MRPL39: variants seen among roughly 807,000 people sequenced by gnomAD.
The protein encoded by MRPL39 is large ribosomal subunit protein mL39.
Under a neutral mutation model 44.5 loss-of-function variants are expected in MRPL39, and 35 were observed. The ratio of observed to expected loss-of-function variants is 0.79; its 90% CI spans 0.60 to 1.04. The LOEUF is 1.04. Among genes scored for constraint, MRPL39 ranks in the 50% least tolerant of loss-of-function variants. The pLI, the probability that MRPL39 is intolerant of heterozygous loss-of-function variation, is 0.00. For synonymous variants in MRPL39, 139 were observed against 136.1 expected (o/e 1.02, Z -0.15); for missense variants, 433 against 413.5 (o/e 1.05, Z -0.41).
Position 25,606,576 on chromosome 21 carries a change from C to G in MRPL39, c.153G>C (p.Glu51Asp). 6.2e-7 allele frequency: 1 copy of G among 1,614,026 alleles called. No homozygotes were observed. Among genetic ancestry groups the G allele is most frequent in the South Asian group, 1.1e-5 (1 of 91,068 alleles). The change falls in exon 2 of 10, where the codon GAG (glutamate) becomes GAC (aspartate). Residue 51 changes from glutamate to aspartate, a missense_variant. Physicochemically the swap from Glu to Asp is conservative, Grantham distance 45. Transcript: ENST00000352957. The stretch of plus-strand genomic sequence containing the variant: ...GAGTTAATGATAACTGCCTGGCTTT[C>G]TCTTTATTAAAGAGATCATTCCGCA... ...TEMRNDLFNKEKARQLSLTPR... is the reference protein window; with the variant it reads ...TEMRNDLFNKDKARQLSLTPR...
intron 2 of MRPL39, 123 bp downstream of exon 2, chr21:25,606,326 G>A: frequency 1.2e-6 from 1 of 825,856 alleles, no homozygotes; most frequent in Non-Finnish European, 1.9e-6. Context: ...AAGGATTTTG[G>A]TATAAAGGGA....
At chr21:25,601,648 A>C (rs2031529299) in intron 3 of MRPL39, among the ~76,000 whole-genome samples, 181 bp from the exon 4 acceptor site, 1 of 152,202 alleles carries the variant, frequency 6.6e-6, no homozygotes, top group Non-Finnish European at 1.5e-5. Flanking sequence ...AGCAAAAATC[A>C]AAAAAGAATG....
At chr21:25,607,837 G>A (rs1384495710), upstream of MRPL39, among the ~76,000 whole-genome samples, 3 of 149,362 alleles carry the variant, frequency 2.0e-5, no homozygotes, top group African/African-American at 7.4e-5. Context: ...CAGGTGAAGC[G>A]CTTGCTTCCC....
At chr21:25,600,484 T>A (rs2031489613) in intron 4 of MRPL39, among the ~76,000 whole-genome samples, 1 of 152,010 alleles carries the variant, frequency 6.6e-6, no homozygotes, top group African/African-American at 2.4e-5. Context: ...TTACATTTCT[T>A]TTATATCCCC....
chr21:25,588,334 C>T lies in MRPL39; in HGVS notation c.969+501G>A, dbSNP rs530399870. ...CTCAAAAAAAAAAAGAAAAGAAATACTATCATTCCTACTCATTAAGTCTAA... is the reference window on the plus strand; with the variant it reads ...CTCAAAAAAAAAAAGAAAAGAAATATTATCATTCCTACTCATTAAGTCTAA... On this transcript the variant is annotated intron_variant, in intron 9 of 9. Coordinates refer to ENST00000352957, the MANE Select transcript of MRPL39 (RefSeq NM_017446.4). Among the ~76,000 whole-genome samples the T allele has an allele frequency of 1.1e-4, 16 of 151,934 alleles. No individual in the cohort carries two copies. The East Asian group carries it at 2.9e-3, about 28-fold the overall frequency.
At chr21:25,591,418 A>G (rs751777825) in intron 8 of MRPL39, among the ~76,000 whole-genome samples, 1 of 152,154 alleles carries the variant, frequency 6.6e-6, no homozygotes, top group East Asian at 1.9e-4. Context: ...TGAAAACTAC[A>G]TATCTAACAA....
intron 8 of MRPL39, among the ~76,000 whole-genome samples, chr21:25,592,397 T>G (rs2031206943): frequency 6.6e-6 from 1 of 152,124 alleles, no homozygotes; most frequent in Non-Finnish European, 1.5e-5. Context: ...ATCAAAAATT[T>G]AAATAAAAAG....
chr21:25,600,914 T>C (rs1459904399), intron 4 of MRPL39, among the ~76,000 whole-genome samples: 2 of 152,184 alleles, frequency 1.3e-5, no homozygotes, highest in Non-Finnish European at 2.9e-5. Context: ...GAGACCATCC[T>C]AGCTAACATG....
intron 3 of MRPL39, among the ~76,000 whole-genome samples, chr21:25,602,897 C>T (rs970310748): frequency 1.3e-5 from 2 of 152,170 alleles, no homozygotes; most frequent in Non-Finnish European, 2.9e-5. Flanking sequence ...AATCTCATCT[C>T]GAACGAAGGA....
At position 25,602,898 on chromosome 21, in the gene MRPL39, G is replaced by A. The variant is rs981654639; in HGVS notation, c.420+898C>T. Among the ~76,000 whole-genome samples, 10 of 152,142 alleles carry A rather than the reference G, an allele frequency of 6.6e-5. 1 individual carries two copies. The highest frequency in any genetic ancestry group is 5.9e-4 in the Admixed American group (9 of 15,274). On this transcript the variant is annotated intron_variant, in intron 3 of 9. Transcript: ENST00000352957. ...TGTGTTCCCACCCAAATCTCATCTCGAACGAAGGAGAGACCTGGTAGAAGG... is the reference window on the plus strand; with the variant it reads ...TGTGTTCCCACCCAAATCTCATCTCAAACGAAGGAGAGACCTGGTAGAAGG...
upstream of MRPL39, chr21:25,607,491 C>G (rs781352404): frequency 2.5e-6 from 4 of 1,609,286 alleles, no homozygotes; most frequent in South Asian, 2.2e-5. Flanking sequence ...CGGTGAGAAC[C>G]GTCGCGCGCA....
intron 8 of MRPL39, among the ~76,000 whole-genome samples, chr21:25,592,038 T>C (rs2031194457): frequency 6.6e-6 from 1 of 152,204 alleles, no homozygotes; most frequent in African/African-American, 2.4e-5. Context: ...TCCAGAGAAT[T>C]ATACTGAGTG....
chr21:25,605,723 C>A (rs1319213599), intron 2 of MRPL39, among the ~76,000 whole-genome samples: 1 of 152,074 alleles, frequency 6.6e-6, no homozygotes, highest in Non-Finnish European at 1.5e-5. Context: ...CTGGGCACCA[C>A]AGCCACCCTC....
chr21:25,607,385 A>C lies in MRPL39; in HGVS notation c.73+18T>G. On this transcript the variant is annotated intron_variant, in intron 1 of 9. Transcript: ENST00000352957. ...TATCTAGGCCTCGCTCCCTGTCCCT[A>C]CGGCCTCTGAAACTCACTCCATTTG... The C allele has an allele frequency of 6.2e-7, 1 of 1,613,498 alleles. No individual in the cohort carries two copies.
intron 9 of MRPL39, 24 bp from the exon 10 acceptor site, chr21:25,585,778 C>T (rs2030980658): frequency 5.2e-6 from 8 of 1,551,738 alleles, no homozygotes; most frequent in Non-Finnish European, 7.1e-6. Flanking sequence ...AATAGCTTTA[C>T]TTTCCTAATA....
intron 9 of MRPL39, among the ~76,000 whole-genome samples, chr21:25,587,324 G>T (rs2031029947): frequency 6.6e-6 from 1 of 151,754 alleles, no homozygotes. Flanking sequence ...CATCTAAAAT[G>T]ATCACTGTGA....
At chr21:25,603,561 T>G (rs2031579704) in intron 3 of MRPL39, among the ~76,000 whole-genome samples, 1 of 152,044 alleles carries the variant, frequency 6.6e-6, no homozygotes. Flanking sequence ...TGAATGTAAG[T>G]TGAACAAAGA....
At chr21:25,601,986 T>A (rs1001705153) in intron 3 of MRPL39, among the ~76,000 whole-genome samples, 1 of 152,192 alleles carries the variant, frequency 6.6e-6, no homozygotes, top group Non-Finnish European at 1.5e-5. Flanking sequence ...CACATTTTGA[T>A]TCATGGACAT....
intron 8 of MRPL39, among the ~76,000 whole-genome samples, chr21:25,591,034 C>T (rs1298577002): frequency 6.7e-6 from 1 of 148,374 alleles, no homozygotes; most frequent in Non-Finnish European, 1.5e-5. Flanking sequence ...GGAAGAGTGG[C>T]CTTTTCAACG....
Sources: gnomAD v4.1 joint callset for allele counts (sites outside exome capture counted in the v4.1 genomes callset) on GRCh38, gnomAD v4.1.1 for gene constraint, MANE v1.5 for transcripts, NCBI Gene and HGNC (gene_info 2026-07-23, HGNC 2026-07-21) for gene names.